FAM184A: variants seen among roughly 807,000 people sequenced by gnomAD.
The protein encoded by FAM184A is protein FAM184A.
In FAM184A, 99 loss-of-function variants were observed where a neutral mutation model predicts 143.8. The ratio of observed to expected loss-of-function variants is 0.69; its 90% CI spans 0.58 to 0.81. The LOEUF is 0.81. Among genes scored for constraint, FAM184A ranks in the 40% least tolerant of loss-of-function variants. FAM184A has a pLI of 0.00. For synonymous variants in FAM184A, 427 were observed against 446.4 expected, an observed-to-expected ratio of 0.96 and a Z score of 0.55; for missense variants, 1,217 against 1,310.5, an observed-to-expected ratio of 0.93 and a Z score of 1.10.
chr6:119,025,771 CA>C (rs1370441369), intron 1 of FAM184A, among the ~76,000 whole-genome samples: 2 of 152,148 alleles, frequency 1.3e-5, no homozygotes, highest in Admixed American at 6.5e-5. Context: ...ACTGTACAAT[CA>C]AAAAATCCAG....
chr6:119,119,814 CAAAAAAAT>C (rs1417757552), intron 1 of FAM184A, among the ~76,000 whole-genome samples: 14 of 151,346 alleles, frequency 9.3e-5, no homozygotes, highest in Admixed American at 1.3e-4. Flanking sequence ...CTACAAAATA[CAAAAAAAT>C]AAAAAAATAA....
At chr6:118,985,003 C>T (rs1784149002) in intron 9 of FAM184A, among the ~76,000 whole-genome samples, 1 of 152,188 alleles carries the variant, frequency 6.6e-6, no homozygotes, top group Non-Finnish European at 1.5e-5. Flanking sequence ...ATTCCCTTTC[C>T]TCACTTAATC....
chr6:118,961,875 C>G lies in FAM184A; in HGVS notation c.3227G>C (p.Gly1076Ala), dbSNP rs1783337976. 9.9e-6 allele frequency: 16 copies of G among 1,613,868 alleles called. No individual in the cohort carries two copies. Among genetic ancestry groups the G allele is most frequent in the Non-Finnish European group, 1.4e-5 (16 of 1,179,864 alleles). ...AATGGGATCCAGGCGGTTAGGATGT[C>G]CATTGCCCACTCCACCAGATTCCAG... ...SALESGGVGN[G>A]HPNRLDPIPN... Residue 1076 changes from glycine (G) to alanine (A), a missense_variant, in exon 17 of 18, where the codon GGA becomes GCA. Coordinates refer to ENST00000338891, the MANE Select transcript of FAM184A (RefSeq NM_024581.6).
intron 14 of FAM184A, among the ~76,000 whole-genome samples, chr6:118,971,518 T>A (rs1783696229): frequency 6.6e-6 from 1 of 151,942 alleles, no homozygotes; most frequent in Admixed American, 6.6e-5. Flanking sequence ...TAGCTTGAAC[T>A]TTCTTTACTT....
Position 119,059,228 on chromosome 6 carries a change from C to T in FAM184A, c.159+18913G>A, listed in dbSNP as rs149249626. Among the ~76,000 whole-genome samples the T allele has an allele frequency of 4.4e-3, 671 of 152,290 alleles. 2 individuals are homozygous for T. Among genetic ancestry groups the T allele is most frequent in the Non-Finnish European group, 7.2e-3 (493 of 68,016 alleles). On this transcript the variant is annotated intron_variant, in intron 1 of 17. Coordinates refer to ENST00000338891, the MANE Select transcript of FAM184A (RefSeq NM_024581.6). ...CTCCTGGACTCAAGCAATCCTCCCA[C>T]CTCGGCCTCCCAAAATGTGGGGATT...
In FAM184A at chr6:119,117,170, G is replaced by C. The variant is rs148984245; in HGVS notation, c.-202+31908C>G. Among the ~76,000 whole-genome samples, 573 of 152,324 alleles carry C rather than the reference G, an allele frequency of 3.8e-3. 2 individuals are homozygous for C. Among genetic ancestry groups the C allele is most frequent in the African/African-American group, 0.013 (546 of 41,578 alleles). Reference sequence around the variant, plus strand: ...GGGGATTGGGAGTGGGCATAGATTTGGGAGACAAGTCTGTGGATCATTTTG... The same window carrying C: ...GGGGATTGGGAGTGGGCATAGATTTCGGAGACAAGTCTGTGGATCATTTTG... On this transcript the variant is annotated intron_variant, in intron 1 of 16. Coordinates refer to the FAM184A transcript ENST00000352896.
chr6:119,006,555 T>C lies in FAM184A; in HGVS notation c.1707A>G (p.Ala569=). Reference sequence around the variant, plus strand: ...CCTGAAGACTAGCAATAAGTCCTTCTGCAGAGCCAAGACCTTGTTCACTTT... The same window carrying C: ...CCTGAAGACTAGCAATAAGTCCTTCCGCAGAGCCAAGACCTTGTTCACTTT... ...VRKSEQGLGS[A]EGLIASLQDS... Residue 569 remains alanine (A), a synonymous_variant, in exon 7 of 18, where the codon GCA becomes GCG. Coordinates refer to ENST00000338891, the MANE Select transcript of FAM184A (RefSeq NM_024581.6). 1 of 1,614,046 alleles carries C rather than the reference T, an allele frequency of 6.2e-7. No individual in the cohort carries two copies. Among genetic ancestry groups the C allele is most frequent in the African/African-American group, 1.3e-5 (1 of 75,050 alleles).
intron 8 of FAM184A, 71 bp from the exon 9 acceptor site, chr6:119,003,120 G>A (rs1784816042): frequency 9.7e-6 from 13 of 1,346,452 alleles, no homozygotes; most frequent in Non-Finnish European, 1.2e-5. Context: ...AGAGTCTACA[G>A]GTTTTTTAAG....
At chr6:119,007,268 C>A (rs948659123) in intron 6 of FAM184A, among the ~76,000 whole-genome samples, 1 of 152,094 alleles carries the variant, frequency 6.6e-6, no homozygotes, top group African/African-American at 2.4e-5. Flanking sequence ...AAAGTAAAAA[C>A]CGCATTCTTA....
intron 15 of FAM184A, 27 bp from the exon 16 acceptor site, chr6:118,964,798 T>G: frequency 8.3e-7 from 1 of 1,207,368 alleles, no homozygotes; most frequent in Non-Finnish European, 1.2e-6. Context: ...TAAACATCTT[T>G]TAAATATTTT....
At chr6:119,094,503 T>G (rs1788455264) in intron 1 of FAM184A, among the ~76,000 whole-genome samples, 1 of 152,200 alleles carries the variant, frequency 6.6e-6, no homozygotes, top group African/African-American at 2.4e-5. Context: ...AGAGTTTGAT[T>G]GTTATGCCAG....
chr6:119,112,095 G>A (rs1289570165), intron 1 of FAM184A, among the ~76,000 whole-genome samples: 1 of 151,972 alleles, frequency 6.6e-6, no homozygotes, highest in African/African-American at 2.4e-5. Context: ...ATTATACATA[G>A]AGTGTGGGAA....
chr6:119,048,641 A>G (rs1265515520), intron 1 of FAM184A, among the ~76,000 whole-genome samples: 1 of 152,142 alleles, frequency 6.6e-6, no homozygotes, highest in African/African-American at 2.4e-5. Context: ...TTGCCACAAA[A>G]AGAATAAAAT....
In FAM184A at chr6:119,016,242, A is replaced by T. The variant is rs573885057; in HGVS notation, c.1530+505T>A. ...AGCAGGATGTGGGTGGGGCCAGATA[A>T]GAGAATAAAAGCAGGCTGCCCGAGC... On this transcript the variant is annotated intron_variant, in intron 5 of 17. Transcript: ENST00000338891. 4.6e-5 allele frequency among the ~76,000 whole-genome samples: 7 copies of T among 152,308 alleles called. No homozygotes were observed. In the South Asian group the frequency reaches 1.5e-3, roughly 32 times the overall value.
At chr6:118,965,542 T>C (rs1472124757) in intron 15 of FAM184A, among the ~76,000 whole-genome samples, 1 of 152,142 alleles carries the variant, frequency 6.6e-6, no homozygotes, top group East Asian at 1.9e-4. Context: ...AATACAACAG[T>C]GTGTGGGAGA....
chr6:119,108,231 C>A (rs1365486104), intron 1 of FAM184A, among the ~76,000 whole-genome samples: 2 of 151,656 alleles, frequency 1.3e-5, no homozygotes, highest in African/African-American at 4.8e-5. Flanking sequence ...TCATCGAGAC[C>A]TTTTGATGCC....
chr6:119,148,587 T>C (rs569986381), intron 1 of FAM184A, among the ~76,000 whole-genome samples: 2 of 152,094 alleles, frequency 1.3e-5, no homozygotes, highest in Non-Finnish European at 2.9e-5. Context: ...CAGCACACTA[T>C]TGCTGCCAGC....
chr6:119,101,766 A>G (rs1473455392), intron 1 of FAM184A, among the ~76,000 whole-genome samples: 1 of 152,190 alleles, frequency 6.6e-6, no homozygotes, highest in Non-Finnish European at 1.5e-5. Flanking sequence ...ATTAAAGAAT[A>G]AAGGATAGGC....
intron 7 of FAM184A, among the ~76,000 whole-genome samples, chr6:119,004,046 C>G (rs927349829): frequency 6.6e-6 from 1 of 152,170 alleles, no homozygotes; most frequent in African/African-American, 2.4e-5. Context: ...TATAGCTGTA[C>G]CTGACACCAT....
Sources: gnomAD v4.1 joint callset for allele counts (sites outside exome capture counted in the v4.1 genomes callset) on GRCh38, gnomAD v4.1.1 for gene constraint, MANE v1.5 for transcripts, NCBI Gene and HGNC (gene_info 2026-07-23, HGNC 2026-07-21) for gene names.